The following MEI1 variants were observed in gnomAD, a reference collection of about 807,000 sequenced individuals.
The protein encoded by MEI1 is meiotic double-stranded break formation protein 1, also known as meiosis inhibitor protein 1.
In MEI1, 103 loss-of-function variants were observed where a neutral mutation model predicts 146.2. The ratio of observed to expected loss-of-function variants is 0.70; its 90% CI spans 0.60 to 0.83. The LOEUF is 0.83. Among genes scored for constraint, MEI1 ranks in the 40% least tolerant of loss-of-function variants. The pLI, the probability that MEI1 is intolerant of heterozygous loss-of-function variation, is 0.00. For synonymous variants in MEI1, 652 were observed against 628.2 expected (o/e 1.04, Z -0.57); for missense variants, 1,529 against 1,533.0 (o/e 1.00, Z 0.04).
At chr22:41,703,269 T>C (rs2068847771) in intron 1 of MEI1, 62 bp from the exon 2 acceptor site, 2 of 1,564,028 alleles carry the variant, frequency 1.3e-6, no homozygotes, top group African/African-American at 1.3e-5. Context: ...AAATTACGGT[T>C]GTTGGATTCA....
intron 14 of MEI1, 112 bp downstream of exon 14, chr22:41,746,138 C>A: frequency 1.0e-6 from 1 of 994,758 alleles, no homozygotes; most frequent in Non-Finnish European, 1.4e-6. Context: ...TCTCTGGGGG[C>A]CTCAGCAGTG....
intron 26 of MEI1, among the ~76,000 whole-genome samples, chr22:41,790,799 G>A (rs1430126881): frequency 6.6e-6 from 1 of 152,034 alleles, no homozygotes; most frequent in Admixed American, 6.6e-5. Flanking sequence ...CACCATATTG[G>A]CCAGGTTGGT....
intron 15 of MEI1, among the ~76,000 whole-genome samples, chr22:41,751,764 C>A (rs1601926939): frequency 1.7e-5 from 2 of 116,308 alleles, no homozygotes; most frequent in Admixed American, 9.1e-5. Context: ...AAGCGTGAAA[C>A]TCCATCTTAA....
intron 21 of MEI1, among the ~76,000 whole-genome samples, chr22:41,778,141 A>G (rs1034562294): frequency 1.3e-5 from 2 of 152,098 alleles, no homozygotes; most frequent in Non-Finnish European, 2.9e-5. Context: ...GGCATGTGCC[A>G]GCATGATGAC....
intron 19 of MEI1, among the ~76,000 whole-genome samples, chr22:41,766,152 G>A (rs1177308467): frequency 2.0e-5 from 3 of 151,694 alleles, no homozygotes; most frequent in Non-Finnish European, 4.4e-5. Context: ...TGGGATTACA[G>A]GCATGAGCCA....
chr22:41,703,186 A>G (rs2068842414), intron 1 of MEI1, 145 bp from the exon 2 acceptor site: 3 of 843,470 alleles, frequency 3.6e-6, no homozygotes, highest in East Asian at 2.7e-5. Flanking sequence ...ATCCTTTTCC[A>G]ACCTCCCTTG....
At chr22:41,745,103 G>A in intron 13 of MEI1, 39 bp downstream of exon 13, 4 of 1,393,432 alleles carry the variant, frequency 2.9e-6, no homozygotes, top group Non-Finnish European at 3.9e-6. Flanking sequence ...TAGCATGGAA[G>A]GTAGGGGTGG....
At chr22:41,738,797 G>A (rs978883502) in intron 11 of MEI1, among the ~76,000 whole-genome samples, 4 of 49,016 alleles carry the variant, frequency 8.2e-5, no homozygotes, top group African/African-American at 7.5e-4. Flanking sequence ...AAATAAATAA[G>A]TAATAAAATA....
intron 18 of MEI1, among the ~76,000 whole-genome samples, chr22:41,758,842 A>T (rs1290015343): frequency 6.6e-6 from 1 of 152,164 alleles, no homozygotes; most frequent in Non-Finnish European, 1.5e-5. Flanking sequence ...TGTTCAATTT[A>T]TTACATTTTT....
At chr22:41,784,562 G>T (rs765013135) in intron 25 of MEI1, 46 bp from the exon 26 acceptor site, 17 of 1,603,706 alleles carry the variant, frequency 1.1e-5, no homozygotes, top group Non-Finnish European at 1.4e-5. Context: ...TGGGTGGGAG[G>T]TGGGAAGGAG....
intron 1 of MEI1, 99 bp from the exon 2 acceptor site, chr22:41,703,232 C>A: frequency 7.6e-7 from 1 of 1,318,988 alleles, no homozygotes; most frequent in East Asian, 2.5e-5. Flanking sequence ...TAAATGATCC[C>A]TTGTATCATC....
intron 12 of MEI1, among the ~76,000 whole-genome samples, chr22:41,743,444 G>T (rs1378036220): frequency 3.0e-5 from 2 of 66,914 alleles, no homozygotes; most frequent in Non-Finnish European, 5.8e-5. Context: ...AAACTATAAA[G>T]TACCTAAGCC....
At chr22:41,710,423 AC>A (rs1468065465) in intron 3 of MEI1, among the ~76,000 whole-genome samples, 1 of 152,128 alleles carries the variant, frequency 6.6e-6, no homozygotes, top group Admixed American at 6.5e-5. Context: ...CTCCCACTTT[AC>A]CCCTTGATTC....
At chr22:41,765,261 C>T (rs1324469768) in intron 19 of MEI1, among the ~76,000 whole-genome samples, 1 of 152,182 alleles carries the variant, frequency 6.6e-6, no homozygotes, top group African/African-American at 2.4e-5. Flanking sequence ...GGCGATCCAC[C>T]CACCTCAGCC....
chr22:41,795,422 C>G lies in MEI1; in HGVS notation c.3546C>G (p.Tyr1182Ter). The change falls in exon 29 of 31, where the codon TAC (tyrosine) becomes TAG (stop). Residue 1182 changes from tyrosine (Y) to a stop codon, truncating the protein, a stop_gained. Transcript: ENST00000401548. LOFTEE classifies it high-confidence loss of function. This position sits in a 1 kb window ranked among gnomAD's most constrained non-coding sequence, Gnocchi z 4.2. ...ILRLMTLFMR[Y>*]RSSSVLSHEE... The stretch of plus-strand genomic sequence containing the variant: ...TCTTCCTGGGCCAGTTTATGCGGTA[C>G]CGGAGTAGCAGTGTCCTCTCTCATG... The G allele has an allele frequency of 1.2e-6, 2 of 1,613,642 alleles. No homozygotes were observed. The highest frequency in any genetic ancestry group is 1.7e-6 in the Non-Finnish European group (2 of 1,179,796).
At chr22:41,773,356 G>A (rs1382536324) in intron 20 of MEI1, among the ~76,000 whole-genome samples, 2 of 152,186 alleles carry the variant, frequency 1.3e-5, no homozygotes, top group East Asian at 1.9e-4. Context: ...GGGTAGATGA[G>A]ATAGTATGTA....
At chr22:41,761,408 G>A (rs531884200) in intron 18 of MEI1, among the ~76,000 whole-genome samples, 4 of 149,810 alleles carry the variant, frequency 2.7e-5, no homozygotes, top group African/African-American at 4.9e-5. Context: ...TCTGCCTCCC[G>A]GGTTCACGCC....
intron 1 of MEI1, among the ~76,000 whole-genome samples, chr22:41,700,176 G>T (rs2068589232): frequency 6.6e-6 from 1 of 152,228 alleles, no homozygotes; most frequent in Admixed American, 6.5e-5. Context: ...AGCTGTCGGG[G>T]TGTGAATCGG....
At chr22:41,793,029 A>ATTTTT (rs1602189420) in intron 26 of MEI1, among the ~76,000 whole-genome samples, 4 of 62,732 alleles carry the variant, frequency 6.4e-5, no homozygotes, top group Non-Finnish European at 7.6e-5. Context: ...GAAACAAAGC[A>ATTTTT]TTCTTTTTTT....
Sources: gnomAD v4.1 joint callset for allele counts (sites outside exome capture counted in the v4.1 genomes callset) on GRCh38, gnomAD v4.1.1 for gene constraint, Gnocchi (gnomAD v3.1) non-coding constraint, MANE v1.5 for transcripts, NCBI Gene and HGNC (gene_info 2026-07-23, HGNC 2026-07-21) for gene names.